FBXL17: variants seen among roughly 807,000 people sequenced by gnomAD.
FBXL17 encodes F-box and leucine rich repeat protein 17, also known as F-box/LRR-repeat protein 17.
FBXL17 carries 22 observed loss-of-function variants against 66.2 expected under a neutral mutation model. That is an observed-to-expected ratio of 0.33 (90% CI 0.24 to 0.47). The LOEUF (loss-of-function observed/expected upper bound fraction) is 0.47. Among genes scored for constraint, FBXL17 ranks in the 20% least tolerant of loss-of-function variants. The pLI is 1.00. For synonymous variants in FBXL17, 474 were observed against 400.5 expected (o/e 1.18, Z -2.19); for missense variants, 878 against 948.2 (o/e 0.93, Z 0.97).
intron 4 of FBXL17, among the ~76,000 whole-genome samples, chr5:108,231,809 T>C (rs1338989643): frequency 6.6e-6 from 1 of 152,130 alleles, no homozygotes; most frequent in Non-Finnish European, 1.5e-5. Flanking sequence ...AGGAGATCCA[T>C]ACAGGATACA....
At chr5:108,280,051 T>C (rs1757642282) in intron 4 of FBXL17, among the ~76,000 whole-genome samples, 1 of 152,088 alleles carries the variant, frequency 6.6e-6, no homozygotes, top group African/African-American at 2.4e-5. Flanking sequence ...GAAAACCTAT[T>C]TAATGAAGTA....
intron 6 of FBXL17, among the ~76,000 whole-genome samples, chr5:108,128,515 C>T (rs1199360356): frequency 1.3e-5 from 2 of 152,012 alleles, no homozygotes; most frequent in African/African-American, 2.4e-5. Flanking sequence ...GGTTAATATA[C>T]CAACAATAAT....
At chr5:108,004,022 T>C (rs1475116005) in intron 7 of FBXL17, among the ~76,000 whole-genome samples, 1 of 152,054 alleles carries the variant, frequency 6.6e-6, no homozygotes, top group Non-Finnish European at 1.5e-5. Flanking sequence ...TAGGAAGAGA[T>C]ATAACAGAAA....
At chr5:108,279,006 C>G (rs1273045320) in intron 4 of FBXL17, among the ~76,000 whole-genome samples, 1 of 152,170 alleles carries the variant, frequency 6.6e-6, no homozygotes, top group Non-Finnish European at 1.5e-5. Flanking sequence ...ACATAAACAC[C>G]CTGCTGCTTC....
At chr5:108,344,927 A>T (rs909034091) in intron 4 of FBXL17, among the ~76,000 whole-genome samples, 2 of 152,248 alleles carry the variant, frequency 1.3e-5, no homozygotes, top group Non-Finnish European at 2.9e-5. Context: ...ATCTATGTGT[A>T]TAGTCGACAC....
intron 8 of FBXL17, among the ~76,000 whole-genome samples, chr5:107,876,921 G>C (rs1279563476): frequency 6.6e-6 from 1 of 152,168 alleles, no homozygotes; most frequent in Non-Finnish European, 1.5e-5. Context: ...GATTACACAA[G>C]TATTTTTAAG....
chr5:108,184,342 T>G (rs992301690), intron 6 of FBXL17, among the ~76,000 whole-genome samples: 1 of 152,058 alleles, frequency 6.6e-6, no homozygotes, highest in Non-Finnish European at 1.5e-5. Flanking sequence ...GGTCTTGCTC[T>G]ATCACCCAGG....
At chr5:108,112,326 T>C (rs973489924) in intron 6 of FBXL17, among the ~76,000 whole-genome samples, 2 of 152,176 alleles carry the variant, frequency 1.3e-5, no homozygotes, top group African/African-American at 2.4e-5. Flanking sequence ...GATACTTCCA[T>C]GAGCTTGGAT....
At chr5:108,357,198 T>C (rs1293343229) in intron 3 of FBXL17, among the ~76,000 whole-genome samples, 1 of 151,998 alleles carries the variant, frequency 6.6e-6, no homozygotes, top group East Asian at 1.9e-4. Flanking sequence ...CTATAATAAC[T>C]TCAGACAGAG....
chr5:108,100,762 G>GA (rs2149940453), intron 6 of FBXL17, among the ~76,000 whole-genome samples: 1 of 152,304 alleles, frequency 6.6e-6, no homozygotes, highest in East Asian at 1.9e-4. Flanking sequence ...GTAAAAATTA[G>GA]AAAAGGCAAG....
At chr5:108,045,335 G>C (rs1747212725) in intron 6 of FBXL17, among the ~76,000 whole-genome samples, 1 of 152,050 alleles carries the variant, frequency 6.6e-6, no homozygotes, top group African/African-American at 2.4e-5. Context: ...CCGGCTACTT[G>C]GGAGGCTGGG....
chr5:108,146,497 A>C (rs1751568083), intron 6 of FBXL17, among the ~76,000 whole-genome samples: 1 of 152,184 alleles, frequency 6.6e-6, no homozygotes, highest in Non-Finnish European at 1.5e-5. Flanking sequence ...TGGCCACGAA[A>C]GTCTACCTCA....
chr5:108,311,979 T>C (rs1325371231), intron 4 of FBXL17, among the ~76,000 whole-genome samples: 1 of 152,168 alleles, frequency 6.6e-6, no homozygotes, highest in African/African-American at 2.4e-5. Context: ...CCATCTCCTG[T>C]AGCTTCAGCT....
chr5:107,935,411 ATGTG>A (rs55942635), intron 7 of FBXL17, among the ~76,000 whole-genome samples: 1 of 149,928 alleles, frequency 6.7e-6, no homozygotes, highest in East Asian at 2.0e-4. Context: ...ATATATATAT[ATGTG>A]TGTGTGTGTG....
chr5:108,370,056 T>C (rs992973883), intron 1 of FBXL17, among the ~76,000 whole-genome samples: 1 of 152,166 alleles, frequency 6.6e-6, no homozygotes, highest in African/African-American at 2.4e-5. Context: ...CGGGACCATC[T>C]AGACACATGC....
intron 6 of FBXL17, among the ~76,000 whole-genome samples, chr5:108,159,971 T>C (rs574197036): frequency 1.3e-5 from 2 of 152,254 alleles, no homozygotes; most frequent in South Asian, 2.1e-4. Context: ...AAAAGAAATA[T>C]GATTGCAATA....
chr5:108,098,526 A>G (rs999666646), intron 6 of FBXL17, among the ~76,000 whole-genome samples: 1 of 152,102 alleles, frequency 6.6e-6, no homozygotes, highest in Non-Finnish European at 1.5e-5. Flanking sequence ...CGGGTGGATC[A>G]CGAGGTCAGG....
chr5:108,077,682 A>G (rs979438588), intron 6 of FBXL17, among the ~76,000 whole-genome samples: 12 of 152,066 alleles, frequency 7.9e-5, no homozygotes, highest in Admixed American at 4.6e-4. Flanking sequence ...AAAAAATGAA[A>G]AAAATGAAAA....
At chr5:108,340,639 T>C (rs939540722) in intron 4 of FBXL17, among the ~76,000 whole-genome samples, 7 of 152,208 alleles carry the variant, frequency 4.6e-5, no homozygotes, top group Non-Finnish European at 1.0e-4. Flanking sequence ...ATGTGCTAAC[T>C]AGGTCAAAAC....
Sources: allele counts gnomAD v4.1 joint callset (sites outside exome capture counted in the v4.1 genomes callset), GRCh38; gene constraint gnomAD v4.1.1; transcripts MANE v1.5; gene names NCBI Gene and HGNC (gene_info 2026-07-23, HGNC 2026-07-21).